The following PRKN variants were observed in gnomAD, a reference collection of about 807,000 sequenced individuals.
PRKN encodes parkin RBR E3 ubiquitin protein ligase.
PRKN carries 56 observed loss-of-function variants against 59.5 expected under a neutral mutation model. That is an observed-to-expected ratio of 0.94 (90% confidence interval 0.76 to 1.18). PRKN has a LOEUF of 1.18. Among genes scored for constraint, PRKN ranks in the 50% most tolerant of loss-of-function variants. PRKN has a pLI of 0.00. For synonymous variants in PRKN, 250 were observed against 222.1 expected (o/e 1.13, Z -1.12); for missense variants, 657 against 596.4 (o/e 1.10, Z -1.06).
chr6:162,589,472 G>A (rs1002534488), intron 1 of PRKN, among the ~76,000 whole-genome samples: 1 of 152,058 alleles, frequency 6.6e-6, no homozygotes, highest in African/African-American at 2.4e-5. Context: ...GATAGTGACT[G>A]TATGTTTAAA....
intron 2 of PRKN, among the ~76,000 whole-genome samples, chr6:162,400,954 T>C (rs1303962373): frequency 6.6e-6 from 1 of 152,072 alleles, no homozygotes; most frequent in Non-Finnish European, 1.5e-5. Context: ...TTTAAGCAAT[T>C]CTTGAATAAA....
intron 9 of PRKN, among the ~76,000 whole-genome samples, chr6:161,439,530 G>A (rs1789091050): frequency 6.6e-6 from 1 of 152,188 alleles, no homozygotes; most frequent in Non-Finnish European, 1.5e-5. Flanking sequence ...TTATCTGGGC[G>A]CCATTAACTG....
At chr6:161,501,814 A>G (rs533874084) in intron 9 of PRKN, among the ~76,000 whole-genome samples, 14 of 152,314 alleles carry the variant, frequency 9.2e-5, no homozygotes, top group African/African-American at 3.4e-4. Flanking sequence ...TAAACCAAAC[A>G]GACAGGCCTT....
rs1319595399 is a variant in PRKN, at chr6:161,428,383, A to C, written c.1084-41506T>G. Among the ~76,000 whole-genome samples, 1 of 152,104 alleles carries C rather than the reference A, an allele frequency of 6.6e-6. No homozygotes were observed. Among genetic ancestry groups the C allele is most frequent in the African/African-American group, 2.4e-5 (1 of 41,406 alleles). On this transcript the variant is annotated intron_variant, in intron 9 of 11. Transcript: ENST00000366898. This position sits in a 1 kb window ranked among gnomAD's most constrained non-coding sequence, Gnocchi z 4.0. ...GGCAGGACGGGCTGCTGGGGTGGAG[A>C]GTGCAGACAGAAGCCTGCCATCCGC...
intron 6 of PRKN, among the ~76,000 whole-genome samples, chr6:161,842,301 T>C (rs1322987485): frequency 6.6e-6 from 1 of 151,832 alleles, no homozygotes; most frequent in South Asian, 2.1e-4. Context: ...TTCAAGACCA[T>C]AGTGAAACCT....
chr6:161,848,111 G>A (rs986078697), intron 6 of PRKN, among the ~76,000 whole-genome samples: 12 of 152,296 alleles, frequency 7.9e-5, no homozygotes, highest in Non-Finnish European at 1.0e-4. Flanking sequence ...GTCAGGTACC[G>A]CCTCTTCAGG....
At chr6:162,274,974 G>C (rs9364644) in intron 2 of PRKN, 4,261 of 151,546 alleles carry the variant, frequency 0.028, 78 homozygotes, top group East Asian at 0.057. Flanking sequence ...CCAGCTACTC[G>C]GGAGGCTGAG....
chr6:161,858,582 C>G (rs1395702564), intron 6 of PRKN, among the ~76,000 whole-genome samples: 1 of 152,038 alleles, frequency 6.6e-6, no homozygotes, highest in African/African-American at 2.4e-5. Flanking sequence ...CCCACCCCCA[C>G]CTTCACCTAT....
At chr6:161,542,979 G>A (rs1425268271) in intron 9 of PRKN, among the ~76,000 whole-genome samples, 2 of 152,040 alleles carry the variant, frequency 1.3e-5, no homozygotes, top group East Asian at 3.9e-4. Context: ...ATTAAAATTG[G>A]CTTGAATAAG....
At chr6:162,498,016 C>G (rs901540814) in intron 1 of PRKN, among the ~76,000 whole-genome samples, 3 of 151,824 alleles carry the variant, frequency 2.0e-5, no homozygotes, top group African/African-American at 7.3e-5. Context: ...TCACATGTAC[C>G]CATAAATAAG....
At chr6:162,258,638 C>T (rs1009822291) in intron 3 of PRKN, among the ~76,000 whole-genome samples, 4 of 152,202 alleles carry the variant, frequency 2.6e-5, no homozygotes, top group African/African-American at 9.7e-5. Context: ...GTTAGCATCA[C>T]CTGGGAGCTT....
In PRKN at chr6:161,504,406, G is replaced by A. The variant is rs142087742; in HGVS notation, c.1083+44448C>T. 3.1e-3 allele frequency among the ~76,000 whole-genome samples: 471 copies of A among 152,352 alleles called. 3 individuals carry two copies. The highest frequency in any genetic ancestry group is 0.01 in the African/African-American group (432 of 41,576). On this transcript the variant is annotated intron_variant, in intron 9 of 11. Coordinates refer to ENST00000366898, the MANE Select transcript of PRKN (RefSeq NM_004562.3). ...GCAGGGCGGGTCGGAAACCTCAGGT[G>A]TGCGGGGATGGGAAAAGGGGGTGAA...
intron 1 of PRKN, among the ~76,000 whole-genome samples, chr6:162,597,210 AAGTT>A (rs1781526895): frequency 6.6e-6 from 1 of 152,202 alleles, no homozygotes; most frequent in South Asian, 2.1e-4. Flanking sequence ...AAATGTACGA[AAGTT>A]AGGCAATGCT....
At chr6:161,597,445 A>G (rs184493876) in intron 7 of PRKN, among the ~76,000 whole-genome samples, 2 of 152,296 alleles carry the variant, frequency 1.3e-5, no homozygotes, top group Admixed American at 1.3e-4. Context: ...ATGCCTTGGA[A>G]TTCGAGATAG....
chr6:162,441,806 T>C (rs138825071), intron 2 of PRKN, among the ~76,000 whole-genome samples: 1 of 152,328 alleles, frequency 6.6e-6, no homozygotes, highest in Non-Finnish European at 1.5e-5. Context: ...AAGTCAATCA[T>C]CTGAAGCAAT....
chr6:162,272,678 G>A (rs1192637048), intron 2 of PRKN, among the ~76,000 whole-genome samples: 5 of 152,064 alleles, frequency 3.3e-5, no homozygotes, highest in Admixed American at 2.0e-4. Context: ...ATCTGCGCAA[G>A]GTGTTTACTG....
intron 2 of PRKN, among the ~76,000 whole-genome samples, chr6:162,279,393 A>C (rs1043753841): frequency 2.0e-5 from 3 of 151,154 alleles, no homozygotes; most frequent in African/African-American, 4.9e-5. Flanking sequence ...GAGGGAAAGA[A>C]AGAAAGACAG....
intron 4 of PRKN, among the ~76,000 whole-genome samples, chr6:162,146,338 G>C (rs1187617108): frequency 2.0e-5 from 3 of 151,696 alleles, no homozygotes; most frequent in Admixed American, 6.6e-5. Flanking sequence ...GTAATATCCA[G>C]GTTTGTTCAA....
At chr6:162,172,459 G>A (rs1783330887) in intron 4 of PRKN, among the ~76,000 whole-genome samples, 1 of 152,146 alleles carries the variant, frequency 6.6e-6, no homozygotes, top group East Asian at 1.9e-4. Context: ...AGCAGAGCCA[G>A]GCCGGCCCAC....
Sources: allele counts gnomAD v4.1 joint callset (sites outside exome capture counted in the v4.1 genomes callset), GRCh38; gene constraint gnomAD v4.1.1; non-coding constraint Gnocchi (gnomAD v3.1); transcripts MANE v1.5; gene names NCBI Gene and HGNC (gene_info 2026-07-23, HGNC 2026-07-21).